Variants in TBC1D9 observed in about 807,000 individuals in gnomAD.
TBC1D9 encodes the protein TBC1 domain family member 9.
Under a neutral mutation model 132.0 loss-of-function variants are expected in TBC1D9, and 63 were observed. That is an observed-to-expected ratio of 0.48 (90% CI 0.39 to 0.59). TBC1D9 has a LOEUF of 0.59. TBC1D9 is among the 20% of genes least tolerant of loss of function. The pLI is 0.00. For missense variants in TBC1D9, 1,261 were observed against 1,592.7 expected (o/e 0.79, Z 3.54); for synonymous variants, 610 against 609.9 (o/e 1.00, Z 0.00).
rs1737631337 is a variant in TBC1D9, at chr4:140,676,787, A to G, written c.1059+107T>C. On this transcript the variant is annotated intron_variant, in intron 6 of 20. Transcript: ENST00000442267. The stretch of plus-strand genomic sequence containing the variant: ...CAGGTGCCACCAAAGACGCATGAAC[A>G]TTCACCTGTGTTCAAAAGCCAATTG... 3.5e-6 allele frequency: 5 copies of G among 1,446,394 alleles called. No individual in the cohort carries two copies. The African/African-American group carries it at 4.2e-5, about 12-fold the overall frequency. 89.6% of individuals were successfully genotyped at this position (1,446,394 alleles called of 1,614,324 possible). A position where few individuals can be genotyped will look rare whatever the true frequency, so the allele number is the denominator to read the frequency against.
intron 1 of TBC1D9, among the ~76,000 whole-genome samples, chr4:140,721,312 C>A (rs899063447): frequency 6.6e-6 from 1 of 152,202 alleles, no homozygotes; most frequent in African/African-American, 2.4e-5. Context: ...GGTGACCTTA[C>A]GCCAGGTAGG....
At position 140,632,650 on chromosome 4, in the gene TBC1D9, T is replaced by A. The variant is rs547705475; in HGVS notation, c.2746+1298A>T. Among the ~76,000 whole-genome samples, 3 of 152,278 alleles carry A rather than the reference T, an allele frequency of 2.0e-5. No individual in the cohort carries two copies. The South Asian group carries it at 6.2e-4, about 32-fold the overall frequency. On this transcript the variant is annotated intron_variant, in intron 16 of 20. Transcript: ENST00000442267. ...TTTAACTTTTCTGAGCTTCTATTTC[T>A]TTAGCTAAATATGGAGATAATAGTA... is the stretch of plus-strand genomic sequence containing the variant.
chr4:140,653,845 T>C (rs1317932928), intron 13 of TBC1D9, among the ~76,000 whole-genome samples: 2 of 152,232 alleles, frequency 1.3e-5, no homozygotes, highest in Non-Finnish European at 2.9e-5. Flanking sequence ...ACTGCGGCTT[T>C]GTCCTGTGAT....
intron 13 of TBC1D9, chr4:140,643,921 C>T (rs1737054685): frequency 2.9e-6 from 2 of 677,978 alleles, no homozygotes; most frequent in East Asian, 2.9e-5. Context: ...GGCAGCTCTG[C>T]GGGGCGCTCG....
At chr4:140,729,893 T>G (rs944859071) in intron 1 of TBC1D9, among the ~76,000 whole-genome samples, 1 of 151,830 alleles carries the variant, frequency 6.6e-6, no homozygotes, top group Non-Finnish European at 1.5e-5. Flanking sequence ...AACTATTTTT[T>G]GTCTTTTTTT....
intron 9 of TBC1D9, among the ~76,000 whole-genome samples, chr4:140,663,057 G>C (rs376149091): frequency 1.3e-5 from 2 of 152,212 alleles, no homozygotes; most frequent in African/African-American, 4.8e-5. Flanking sequence ...TCAGACAAGT[G>C]GGATAGCATC....
intron 13 of TBC1D9, among the ~76,000 whole-genome samples, chr4:140,641,153 A>G (rs541645202): frequency 1.3e-5 from 2 of 148,782 alleles, no homozygotes; most frequent in Admixed American, 6.7e-5. Context: ...TTCCATTTGT[A>G]TCAAGTTCAA....
At position 140,706,427 on chromosome 4, in the gene TBC1D9, T is replaced by C. The variant is rs1411043145; in HGVS notation, c.131-4813A>G. Among the ~76,000 whole-genome samples, 2 of 152,176 alleles carry C rather than the reference T, an allele frequency of 1.3e-5. No individual in the cohort carries two copies. The highest frequency in any genetic ancestry group is 2.9e-5 in the Non-Finnish European group (2 of 68,022). ...AAATAATAGTATCTACCCTAGAAAG[T>C]GCTTAGTATGCACTAAGCACTATTG... On this transcript the variant is annotated intron_variant, in intron 1 of 20. Transcript: ENST00000442267. The surrounding 1 kb of genome is among the most constrained non-coding windows in gnomAD (Gnocchi z 4.0).
At chr4:140,636,723 C>T (rs1736887520) in intron 15 of TBC1D9, among the ~76,000 whole-genome samples, 1 of 152,102 alleles carries the variant, frequency 6.6e-6, no homozygotes, top group African/African-American at 2.4e-5. Flanking sequence ...ACTAAGAAGT[C>T]TGGCAGGGTA....
intron 13 of TBC1D9, chr4:140,643,382 G>A (rs932567631): frequency 4.8e-6 from 6 of 1,259,402 alleles, no homozygotes; most frequent in Non-Finnish European, 5.6e-6. Context: ...GCCTGGCCTG[G>A]GGCAGCTCCA....
At chr4:140,694,760 T>C (rs1364141382) in intron 2 of TBC1D9, among the ~76,000 whole-genome samples, 1 of 147,042 alleles carries the variant, frequency 6.8e-6, no homozygotes, top group East Asian at 1.9e-4. Flanking sequence ...TTTGTATATA[T>C]AGGTATATAA....
At chr4:140,701,458 T>C (rs1738067645) in intron 2 of TBC1D9, 46 bp downstream of exon 2, 9 of 1,472,020 alleles carry the variant, frequency 6.1e-6, no homozygotes, top group Non-Finnish European at 8.5e-6. Flanking sequence ...TTGTTAACCC[T>C]AACGCTTCTT....
At chr4:140,657,495 GATGGTTTT>G in intron 12 of TBC1D9, 24 bp downstream of exon 12, 1 of 1,577,020 alleles carries the variant, frequency 6.3e-7, no homozygotes, top group South Asian at 1.2e-5. Flanking sequence ...GAAAACCGGA[GATGGTTTT>G]CAAAGTTAGG....
chr4:140,655,735 C>T (rs951254234), intron 13 of TBC1D9, among the ~76,000 whole-genome samples: 1 of 152,104 alleles, frequency 6.6e-6, no homozygotes, highest in African/African-American at 2.4e-5. Flanking sequence ...ATTCCAGGGT[C>T]ATCATGGACA....
chr4:140,693,726 A>G (rs1488261689), intron 2 of TBC1D9, among the ~76,000 whole-genome samples: 1 of 152,234 alleles, frequency 6.6e-6, no homozygotes, highest in Non-Finnish European at 1.5e-5. Context: ...CTATTGCCCA[A>G]CTAACATACA....
chr4:140,729,009 T>C (rs780862554), intron 1 of TBC1D9, among the ~76,000 whole-genome samples: 5 of 152,204 alleles, frequency 3.3e-5, no homozygotes, highest in Middle Eastern at 6.8e-3. Flanking sequence ...GGAAGGTAAA[T>C]AAATTTTCAG....
At chr4:140,694,217 G>C (rs564658950) in intron 2 of TBC1D9, among the ~76,000 whole-genome samples, 118 of 152,248 alleles carry the variant, frequency 7.8e-4, no homozygotes, top group Non-Finnish European at 1.4e-3. Flanking sequence ...AAAAACCCTA[G>C]ATTTCCAATA....
intron 1 of TBC1D9, among the ~76,000 whole-genome samples, chr4:140,751,380 A>C (rs111868386): frequency 1.3e-5 from 2 of 152,338 alleles, no homozygotes; most frequent in African/African-American, 4.8e-5. Flanking sequence ...GAATGTCCAC[A>C]AAAAGTTTAA....
intron 1 of TBC1D9, among the ~76,000 whole-genome samples, chr4:140,751,309 C>T (rs1012496046): frequency 6.6e-6 from 1 of 152,110 alleles, no homozygotes; most frequent in Non-Finnish European, 1.5e-5. Flanking sequence ...TTATGACAAA[C>T]GTAGCTCTAC....
Sources: gnomAD v4.1 joint callset for allele counts (sites outside exome capture counted in the v4.1 genomes callset) on GRCh38, gnomAD v4.1.1 for gene constraint, Gnocchi (gnomAD v3.1) non-coding constraint, MANE v1.5 for transcripts, NCBI Gene and HGNC (gene_info 2026-07-23, HGNC 2026-07-21) for gene names.